Variants in NPHP4 observed in about 807,000 individuals in gnomAD.
NPHP4 encodes the protein nephrocystin-4.
A neutral mutation model predicts 155.8 loss-of-function variants in NPHP4; 151 were observed. The observed-to-expected ratio is 0.97, with a 90% confidence interval of 0.85 to 1.11. NPHP4 has a LOEUF of 1.11. Among genes scored for constraint, NPHP4 ranks in the 50% least tolerant of loss-of-function variants. The pLI is 0.00. For missense variants in NPHP4, 1,956 were observed against 1,925.7 expected (o/e 1.02, Z -0.29); for synonymous variants, 845 against 816.8 (o/e 1.03, Z -0.59).
intron 8 of NPHP4, among the ~76,000 whole-genome samples, chr1:5,947,756 A>G (rs12032639): frequency 0.45 from 67,699 of 151,966 alleles, 15,527 homozygotes; most frequent in East Asian, 0.76. Flanking sequence ...TCTCCGTCCT[A>G]TGAGAAACTA....
chr1:5,933,800 T>C (rs896504444), intron 9 of NPHP4, among the ~76,000 whole-genome samples: 2 of 152,246 alleles, frequency 1.3e-5, no homozygotes, highest in Non-Finnish European at 2.9e-5. Flanking sequence ...TATATTCAAC[T>C]CAGCATTATT....
At chr1:5,966,109 C>A (rs1238191839) in intron 5 of NPHP4, among the ~76,000 whole-genome samples, 2 of 152,156 alleles carry the variant, frequency 1.3e-5, no homozygotes, top group African/African-American at 4.8e-5. Flanking sequence ...TCAGAAAGGC[C>A]ACCTGCAGGC....
At chr1:5,945,193 C>T (rs1385039260) in intron 9 of NPHP4, among the ~76,000 whole-genome samples, 1 of 152,192 alleles carries the variant, frequency 6.6e-6, no homozygotes, top group Non-Finnish European at 1.5e-5. Context: ...CGCCAGCCCT[C>T]CTGCTCCTCC....
At chr1:5,901,669 C>T (rs148545001) in intron 16 of NPHP4, among the ~76,000 whole-genome samples, 194 of 152,270 alleles carry the variant, frequency 1.3e-3, no homozygotes, top group Non-Finnish European at 2.2e-3. Flanking sequence ...TGAATGGTCT[C>T]AACGCTATCA....
rs765018369 is a variant in NPHP4, at chr1:5,952,791, T to C, written c.719A>G (p.His240Arg). The stretch of plus-strand genomic sequence containing the variant: ...CAGGGTGAAGAATAAGTCATCCAAG[T>C]GCCCCGTGATGGGCTTCTGGAGGCG... Reference protein sequence around the residue: ...KPRLQKPITGHLDDLFFTLYP... With the variant: ...KPRLQKPITGRLDDLFFTLYP... Residue 240 changes from histidine to arginine, a missense_variant, in exon 7 of 30, where the codon CAC becomes CGC. By Grantham distance (29) the His-to-Arg change is conservative (BLOSUM62 0). Coordinates refer to ENST00000378156, the MANE Select transcript of NPHP4 (RefSeq NM_015102.5). The C allele has an allele frequency of 4.4e-6, 7 of 1,594,312 alleles. No individual in the cohort carries two copies. Among genetic ancestry groups the C allele is most frequent in the Non-Finnish European group, 6.0e-6 (7 of 1,170,466 alleles).
chr1:5,959,026 C>T lies in NPHP4; in HGVS notation c.673+2768G>A, dbSNP rs373418192. Among the ~76,000 whole-genome samples the T allele has an allele frequency of 6.8e-4, 91 of 134,390 alleles. 1 individual carries two copies. The highest frequency in any genetic ancestry group is 9.6e-3 in the Middle Eastern group (2 of 208). 88.2% of individuals were successfully genotyped at this position (134,390 alleles called of 152,430 possible). A position where few individuals can be genotyped will look rare whatever the true frequency, so the allele number is the denominator to read the frequency against. ...ATTGTGTTTCTCTCCCAAAACAACT[C>T]TGAGAGTGGGGGCGGGGGGCGGGGG... On this transcript the variant is annotated intron_variant, in intron 6 of 29. Transcript: ENST00000378156.
rs746995899 is a variant in NPHP4, at chr1:5,905,547, T to C, written c.1764-64A>G. 2.5e-5 allele frequency: 40 copies of C among 1,599,134 alleles called. No individual in the cohort carries two copies. In the East Asian group the frequency reaches 8.3e-4, roughly 33 times the overall value. On this transcript the variant is annotated intron_variant, in intron 14 of 29. Coordinates refer to ENST00000378156, the MANE Select transcript of NPHP4 (RefSeq NM_015102.5). The surrounding 1 kb of genome is among the most constrained non-coding windows in gnomAD (Gnocchi z 4.0). ...GGGGGGACCCATTGATGCACCTCCC[T>C]GTGGAAACCCTGGGGTTCACAAGGT...
chr1:5,907,593 C>T (rs1320258625), intron 12 of NPHP4, among the ~76,000 whole-genome samples: 3 of 152,248 alleles, frequency 2.0e-5, no homozygotes, highest in Non-Finnish European at 4.4e-5. Flanking sequence ...CAGTTCTAGC[C>T]GCCTGCGTTC....
chr1:5,866,517 C>T, intron 25 of NPHP4, 59 bp from the exon 26 acceptor site: 1 of 1,028,030 alleles, frequency 9.7e-7, no homozygotes, highest in East Asian at 2.6e-5. Context: ...CCCAGCCTGG[C>T]CCCTAAATCT....
chr1:5,953,178 C>T (rs1440294285), intron 6 of NPHP4, among the ~76,000 whole-genome samples: 1 of 152,192 alleles, frequency 6.6e-6, no homozygotes, highest in Non-Finnish European at 1.5e-5. Flanking sequence ...GTGATCTCAG[C>T]TCACTGCAAC....
intron 5 of NPHP4, among the ~76,000 whole-genome samples, chr1:5,966,811 C>T (rs1326527358): frequency 2.6e-5 from 4 of 152,178 alleles, no homozygotes; most frequent in South Asian, 2.1e-4. Flanking sequence ...CAGAGCAGAC[C>T]GTCATCCCCA....
chr1:5,978,198 C>A, intron 3 of NPHP4, 72 bp downstream of exon 3: 2 of 1,440,144 alleles, frequency 1.4e-6, no homozygotes, highest in Admixed American at 2.0e-5. Flanking sequence ...AGTCTCTGGG[C>A]TGCCACCCAG....
rs553780728 is a variant in NPHP4, at chr1:5,953,636, C to T, written c.674-800G>A. On this transcript the variant is annotated intron_variant, in intron 6 of 29. Coordinates refer to ENST00000378156, the MANE Select transcript of NPHP4 (RefSeq NM_015102.5). ...GCAAAATACAGCCTGAACGGCACCA[C>T]GAGAAAAGGGTCCCATCCAGAGGAC... is the stretch of plus-strand genomic sequence containing the variant. Among the ~76,000 whole-genome samples the T allele has an allele frequency of 3.3e-5, 5 of 152,338 alleles. No individual in the cohort carries two copies. In the South Asian group the frequency reaches 8.3e-4, roughly 25 times the overall value.
At chr1:5,975,173 C>G (rs539306749) in intron 3 of NPHP4, among the ~76,000 whole-genome samples, 5 of 152,310 alleles carry the variant, frequency 3.3e-5, no homozygotes, top group African/African-American at 1.2e-4. Flanking sequence ...CACTTGGGAG[C>G]ACATACATGT....
At chr1:5,926,964 T>A (rs979547950) in intron 11 of NPHP4, among the ~76,000 whole-genome samples, 11 of 152,202 alleles carry the variant, frequency 7.2e-5, no homozygotes, top group African/African-American at 2.7e-4. Flanking sequence ...CCCATACTCA[T>A]TCAGGTGGAC....
intron 3 of NPHP4, among the ~76,000 whole-genome samples, chr1:5,977,708 T>C (rs11120937): frequency 0.84 from 124,825 of 148,774 alleles, 52,588 homozygotes; most frequent in African/African-American, 0.94. Flanking sequence ...ACCACCTGAG[T>C]GAAAACACGC....
chr1:5,951,558 G>C (rs1648058681), intron 7 of NPHP4, among the ~76,000 whole-genome samples: 1 of 152,174 alleles, frequency 6.6e-6, no homozygotes, highest in Admixed American at 6.5e-5. Context: ...CAGGCAAGGG[G>C]GCTGAGCCCA....
At position 5,956,062 on chromosome 1, in the gene NPHP4, G is replaced by GGGC. The variant is rs796118171; in HGVS notation, c.674-3227_674-3226insGCC. Among the ~76,000 whole-genome samples, 273 of 140,698 alleles carry GGGC rather than the reference G, an allele frequency of 1.9e-3. 3 individuals are homozygous for GGGC. The highest frequency in any genetic ancestry group is 6.8e-3 in the African/African-American group (251 of 37,112). The allele number at this position is 140,698 out of a possible 152,430, so 92.3% of individuals were successfully genotyped here. A position where few individuals can be genotyped will look rare whatever the true frequency, so the allele number is the denominator to read the frequency against. On this transcript the variant is annotated intron_variant, in intron 6 of 29. Transcript: ENST00000378156. ...TTAACAGAATGTTTCAAAAAGCTGG[G>GGGC]GGGGGGGGGTGCAGGGAGGGATGAC...
Position 5,904,685 on chromosome 1 carries a change from C to A in NPHP4, c.2075G>T (p.Gly692Val). Residue 692 changes from glycine to valine, a missense_variant, in exon 16 of 30, where the codon GGC becomes GTC. Coordinates refer to ENST00000378156, the MANE Select transcript of NPHP4 (RefSeq NM_015102.5). ...RLQLVQLDEA[G>V]QPSSGALTHI... The stretch of plus-strand genomic sequence containing the variant: ...GGTCAGGGCGCCAGAGCTGGGCTGG[C>A]CGGCCTCATCCAGCTGGACCAGCTG... 6.2e-7 allele frequency: 1 copy of A among 1,613,992 alleles called. No homozygotes were observed. The highest frequency in any genetic ancestry group is 8.5e-7 in the Non-Finnish European group (1 of 1,179,880).
Sources: gnomAD v4.1 joint callset for allele counts (sites outside exome capture counted in the v4.1 genomes callset) on GRCh38, gnomAD v4.1.1 for gene constraint, Gnocchi (gnomAD v3.1) non-coding constraint, MANE v1.5 for transcripts, NCBI Gene and HGNC (gene_info 2026-07-23, HGNC 2026-07-21) for gene names.